The following ZFAT variants were observed in gnomAD, a reference collection of about 807,000 sequenced individuals.
ZFAT encodes the protein zinc finger protein ZFAT.
In ZFAT, 64 loss-of-function variants were observed where a neutral mutation model predicts 117.7. The observed-to-expected ratio is 0.54, with a 90% CI of 0.44 to 0.67. The LOEUF (loss-of-function observed/expected upper bound fraction) is 0.67, where lower values mean the gene tolerates loss of function less well. Among genes scored for constraint, ZFAT ranks in the 30% least tolerant of loss-of-function variants. The pLI, the probability that ZFAT is intolerant of heterozygous loss-of-function variation, is 0.00. For synonymous variants in ZFAT, 679 were observed against 615.0 expected (o/e 1.10, Z -1.54); for missense variants, 1,433 against 1,584.5 (o/e 0.90, Z 1.62).
At chr8:134,713,175 C>G (rs1471246997), upstream of ZFAT, 3 of 280,118 alleles carry the variant, frequency 1.1e-5, no homozygotes, top group South Asian at 1.2e-4. Context: ...CTTTTTATCC[C>G]ACTTCACGGA....
chr8:134,603,003 C>G, intron 5 of ZFAT, 70 bp from the exon 6 acceptor site: 1 of 1,534,890 alleles, frequency 6.5e-7, no homozygotes, highest in Non-Finnish European at 8.7e-7. Context: ...ACATCCTTTT[C>G]ATGAACCAAA....
the ZFAT span, among the ~76,000 whole-genome samples, chr8:134,767,723 CT>C: frequency 2.6e-5 from 4 of 152,024 alleles, no homozygotes; most frequent in South Asian, 4.1e-4. Context: ...GTATTTCTCA[CT>C]TTTTTTTAAA....
In ZFAT at chr8:134,588,392, A is replaced by G; in HGVS notation, c.2567T>C (p.Val856Ala). 6.3e-7 allele frequency: 1 copy of G among 1,580,668 alleles called. No individual in the cohort carries two copies. Among genetic ancestry groups the G allele is most frequent in the Non-Finnish European group, 8.6e-7 (1 of 1,163,760 alleles). ...KSHIKTNHPE[V>A]SMSTISEVLG... ...AACCTCAGAAATGGTGCTCATGGAG[A>G]CCTCTAGAAGAAAAGCAGGATGTCA... Residue 856 changes from valine to alanine, a missense_variant, in exon 9 of 16, where the codon GTC (valine) becomes GCC (alanine). Transcript: ENST00000377838.
the ZFAT span, among the ~76,000 whole-genome samples, chr8:134,724,559 C>A: frequency 7.2e-5 from 11 of 152,074 alleles, no homozygotes; most frequent in East Asian, 1.2e-3. Context: ...AGTATAATAA[C>A]CACCATGGCC....
intron 11 of ZFAT, among the ~76,000 whole-genome samples, chr8:134,557,698 A>G (rs1021793209): frequency 3.3e-5 from 5 of 152,252 alleles, no homozygotes; most frequent in African/African-American, 1.2e-4. Flanking sequence ...AAAGAGAAGC[A>G]AATAACTTAT....
At chr8:134,739,487 T>G in the ZFAT span, among the ~76,000 whole-genome samples, 4 of 152,328 alleles carry the variant, frequency 2.6e-5, no homozygotes, top group African/African-American at 9.6e-5. Context: ...AGCCTCTCTC[T>G]GTCTTATTTT....
At chr8:134,486,362 A>T (rs1306757876) in intron 15 of ZFAT, among the ~76,000 whole-genome samples, 1 of 152,156 alleles carries the variant, frequency 6.6e-6, no homozygotes, top group African/African-American at 2.4e-5. Context: ...TTTTCAGGGG[A>T]AAGAAACTCC....
chr8:134,649,268 C>G (rs887427195), intron 2 of ZFAT, among the ~76,000 whole-genome samples: 2 of 151,216 alleles, frequency 1.3e-5, no homozygotes, highest in Non-Finnish European at 2.9e-5. Context: ...ACAAGAATGT[C>G]CACTCATCAT....
At chr8:134,801,866 T>A in the ZFAT span, among the ~76,000 whole-genome samples, 1 of 152,230 alleles carries the variant, frequency 6.6e-6, no homozygotes, top group Non-Finnish European at 1.5e-5. Flanking sequence ...GAATGTAAGA[T>A]GAGCTCTGTG....
At chr8:134,591,121 C>T (rs958420779) in intron 7 of ZFAT, among the ~76,000 whole-genome samples, 2 of 152,232 alleles carry the variant, frequency 1.3e-5, no homozygotes, top group Non-Finnish European at 2.9e-5. Flanking sequence ...GAGCATATTA[C>T]ATCCGCCAGC....
At chr8:134,610,771 TGCCAC>T in intron 3 of ZFAT, 116 bp from the exon 4 acceptor site, 1 of 1,185,874 alleles carries the variant, frequency 8.4e-7, no homozygotes, top group Non-Finnish European at 1.2e-6. Flanking sequence ...TGGTCTGCAG[TGCCAC>T]GCAGACCACG....
chr8:134,664,249 G>A (rs1832090682), intron 1 of ZFAT, among the ~76,000 whole-genome samples: 1 of 151,990 alleles, frequency 6.6e-6, no homozygotes, highest in Admixed American at 6.6e-5. Context: ...CCTCCCCTCA[G>A]CCAGGGAAGT....
At chr8:134,743,586 T>C in the ZFAT span, among the ~76,000 whole-genome samples, 1 of 152,230 alleles carries the variant, frequency 6.6e-6, no homozygotes, top group Non-Finnish European at 1.5e-5. Flanking sequence ...CATACCTAAT[T>C]GCAGCAAAGT....
At chr8:134,718,108 C>T in the ZFAT span, among the ~76,000 whole-genome samples, 1 of 152,126 alleles carries the variant, frequency 6.6e-6, no homozygotes, top group East Asian at 1.9e-4. Context: ...AAGTTACATT[C>T]GACAGTTACA....
At chr8:134,515,945 C>T (rs963350183) in intron 13 of ZFAT, among the ~76,000 whole-genome samples, 4 of 152,198 alleles carry the variant, frequency 2.6e-5, no homozygotes, top group Non-Finnish European at 5.9e-5. Flanking sequence ...ACAATAAATC[C>T]TTAACATCAT....
intron 15 of ZFAT, among the ~76,000 whole-genome samples, chr8:134,504,691 T>C (rs950954604): frequency 6.6e-6 from 1 of 152,206 alleles, no homozygotes; most frequent in Non-Finnish European, 1.5e-5. Context: ...CCCTAGGACA[T>C]GCCATAAGGC....
In ZFAT at chr8:134,684,379, A is replaced by C. The variant is rs1004084497; in HGVS notation, c.20-26642T>G. Among the ~76,000 whole-genome samples the C allele has an allele frequency of 2.6e-5, 4 of 152,260 alleles. No homozygotes were observed. The East Asian group carries it at 7.7e-4, about 29-fold the overall frequency. ...TGGGTGTTAGAAATAAAGCGATAGC[A>C]AGTGACAAAATAATAAGATCTCCAT... On this transcript the variant is annotated intron_variant, in intron 1 of 15. Transcript: ENST00000377838.
intron 15 of ZFAT, among the ~76,000 whole-genome samples, chr8:134,502,338 A>C (rs1819054280): frequency 1.3e-5 from 2 of 152,238 alleles, no homozygotes; most frequent in African/African-American, 4.8e-5. Flanking sequence ...AGGGGACCAC[A>C]TTACTCAGTG....
intron 4 of ZFAT, 123 bp downstream of exon 4, chr8:134,610,347 A>G (rs79116600): frequency 0.05 from 53,711 of 1,072,090 alleles, 1,636 homozygotes; most frequent in Middle Eastern, 0.12. Context: ...TTAGTGGGTG[A>G]TTAAATGGAG....
Sources: allele counts gnomAD v4.1 joint callset (sites outside exome capture counted in the v4.1 genomes callset), GRCh38; gene constraint gnomAD v4.1.1; transcripts MANE v1.5; gene names NCBI Gene and HGNC (gene_info 2026-07-23, HGNC 2026-07-21).